The following SNX5 variants were observed in gnomAD, a reference collection of about 807,000 sequenced individuals.
SNX5 encodes sorting nexin 5, also known as sorting nexin-5.
In SNX5, 31 loss-of-function variants were observed where a neutral mutation model predicts 53.9. The ratio of observed to expected loss-of-function variants is 0.58; its 90% CI spans 0.43 to 0.78. The LOEUF is 0.78. Ranked by LOEUF, SNX5 falls within the 30% of genes least tolerant of loss-of-function variation. The probability of loss-of-function intolerance (pLI) is 0.00; values close to 1 mark genes in which losing one functional copy is unlikely to be tolerated. For missense variants in SNX5, 471 were observed against 478.8 expected, an observed-to-expected ratio of 0.98 and a Z score of 0.15; for synonymous variants, 168 against 171.1, an observed-to-expected ratio of 0.98 and a Z score of 0.14.
At position 17,968,761 on chromosome 20, in the gene SNX5, G is replaced by C. The variant is rs536225849; in HGVS notation, c.-336C>G. On this transcript the variant is annotated 5_prime_UTR_variant, in exon 1 of 13. Coordinates refer to ENST00000377759, the MANE Select transcript of SNX5 (RefSeq NM_014426.4). ...GGCCGCGACACGGACGGGAAGCAAC[G>C]GACACTCTCCCAGCAAGACGCGTCT... 2.8e-6 allele frequency: 1 copy of C among 358,938 alleles called. No homozygotes were observed. The highest frequency in any genetic ancestry group is 3.8e-5 in the South Asian group (1 of 26,322). 22.2% of individuals were successfully genotyped at this position (358,938 alleles called of 1,614,324 possible).
chr20:17,964,988 T>C (rs1289871786), intron 1 of SNX5, among the ~76,000 whole-genome samples: 1 of 152,182 alleles, frequency 6.6e-6, no homozygotes, highest in Non-Finnish European at 1.5e-5. Flanking sequence ...TTCCTCAGTA[T>C]TAGTGGAAAA....
At chr20:17,956,814 TAATAG>T (rs1460634699) in intron 2 of SNX5, 114 bp downstream of exon 2, 2 of 644,386 alleles carry the variant, frequency 3.1e-6, no homozygotes, top group African/African-American at 3.6e-5. Flanking sequence ...GGTTCTCACT[TAATAG>T]TGCTACCCTA....
intron 1 of SNX5, chr20:17,961,561 T>C: frequency 1.0e-6 from 1 of 984,340 alleles, no homozygotes; most frequent in Non-Finnish European, 1.2e-6. Context: ...CAATATGCAG[T>C]GCTAGCCTGT....
In SNX5 at chr20:17,943,202, G is replaced by A; in HGVS notation, c.1079-7C>T. On this transcript the variant is annotated splice_polypyrimidine_tract_variant and splice_region_variant and intron_variant, in intron 11 of 12. Coordinates refer to ENST00000377759, the MANE Select transcript of SNX5 (RefSeq NM_014426.4). ...CGTTTGAAATTTATCAGTTCTACAG[G>A]AAGAAAAAATGTTTATGAAACCAAG... 6.3e-7 allele frequency: 1 copy of A among 1,576,474 alleles called. No individual in the cohort carries two copies. Among genetic ancestry groups the A allele is most frequent in the Non-Finnish European group, 8.7e-7 (1 of 1,149,946 alleles).
chr20:17,943,263 C>T, intron 11 of SNX5, 68 bp from the exon 12 acceptor site: 1 of 1,001,356 alleles, frequency 1.0e-6, no homozygotes, highest in South Asian at 1.3e-5. Flanking sequence ...CTTTAACTAC[C>T]AAATGGCATT....
intron 2 of SNX5, 32 bp downstream of exon 2, chr20:17,956,901 C>T (rs769714749): frequency 9.3e-7 from 1 of 1,072,502 alleles, no homozygotes; most frequent in Non-Finnish European, 1.5e-6. Context: ...TGCAACCTAG[C>T]ACTGTATGTA....
intron 2 of SNX5, 136 bp from the exon 3 acceptor site, chr20:17,955,611 G>C (rs1300355778): frequency 3.3e-6 from 2 of 599,112 alleles, no homozygotes; most frequent in Non-Finnish European, 6.1e-6. Flanking sequence ...AGTTATACAT[G>C]ATCTCCTGTC....
chr20:17,961,053 A>T (rs898531968), intron 1 of SNX5: 4 of 786,320 alleles, frequency 5.1e-6, no homozygotes, highest in South Asian at 5.8e-5. Context: ...CAACTGTTTT[A>T]AAAAATCGCA....
intron 1 of SNX5, among the ~76,000 whole-genome samples, chr20:17,959,166 T>C (rs980073125): frequency 6.6e-6 from 1 of 152,178 alleles, no homozygotes; most frequent in African/African-American, 2.4e-5. Context: ...TGGGATACCC[T>C]TGGAATTCGA....
At chr20:17,945,205 A>C (rs2039471086) in intron 11 of SNX5, 1 of 152,020 alleles carries the variant, frequency 6.6e-6, no homozygotes, top group Non-Finnish European at 1.5e-5. Flanking sequence ...CTGGGTGAAG[A>C]TAAGCTCCCT....
intron 6 of SNX5, among the ~76,000 whole-genome samples, chr20:17,950,654 C>T (rs1316615364): frequency 6.6e-6 from 1 of 152,186 alleles, no homozygotes; most frequent in African/African-American, 2.4e-5. Context: ...TAAGACACAG[C>T]AATTTTACGC....
intron 1 of SNX5, among the ~76,000 whole-genome samples, chr20:17,960,232 A>G (rs536992257): frequency 6.6e-6 from 1 of 152,290 alleles, no homozygotes; most frequent in African/African-American, 2.4e-5. Flanking sequence ...ATGCCAAGGT[A>G]GGCAGATCAC....
chr20:17,962,117 G>C, intron 1 of SNX5: 1 of 361,674 alleles, frequency 2.8e-6, no homozygotes, highest in Non-Finnish European at 3.8e-6. Flanking sequence ...ACCTATCTGT[G>C]TTCAATCTCA....
intron 5 of SNX5, among the ~76,000 whole-genome samples, chr20:17,952,079 C>T (rs1194020299): frequency 2.0e-5 from 3 of 151,972 alleles, no homozygotes; most frequent in Admixed American, 6.6e-5. Flanking sequence ...AAAAATAAGC[C>T]GGGTGTGGTG....
chr20:17,950,281 T>C lies in SNX5; in HGVS notation c.715+10A>G. On this transcript the variant is annotated intron_variant, in intron 7 of 12. Coordinates refer to ENST00000377759, the MANE Select transcript of SNX5 (RefSeq NM_014426.4). ...CAGCAAAGCTCTGACTAGCGGTAAA[T>C]GATATTTACTTTTATGAGATCTGGT... 6.2e-7 allele frequency: 1 copy of C among 1,610,704 alleles called. No individual in the cohort carries two copies.
At chr20:17,959,478 A>AC (rs2035414923) in intron 1 of SNX5, among the ~76,000 whole-genome samples, 1 of 152,194 alleles carries the variant, frequency 6.6e-6, no homozygotes, top group South Asian at 2.1e-4. Context: ...ACTAGCAGCC[A>AC]TTTTGCCCAG....
chr20:17,948,138 A>G (rs1242780004), intron 10 of SNX5, among the ~76,000 whole-genome samples: 1 of 152,268 alleles, frequency 6.6e-6, no homozygotes, highest in East Asian at 1.9e-4. Flanking sequence ...AAGTTACTTT[A>G]GTATCTGAAA....
chr20:17,950,424 A>G, intron 6 of SNX5, 28 bp from the exon 7 acceptor site: 1 of 1,254,048 alleles, frequency 8.0e-7, no homozygotes, highest in South Asian at 1.2e-5. Flanking sequence ...AGAACCAGAC[A>G]TTTCATGAAA....
intron 2 of SNX5, among the ~76,000 whole-genome samples, 175 bp downstream of exon 2, chr20:17,956,758 G>T (rs1015378422): frequency 6.9e-6 from 1 of 145,574 alleles, no homozygotes; most frequent in Non-Finnish European, 1.5e-5. Flanking sequence ...TGCTGCTGCC[G>T]CCACAATGGC....
Sources: allele counts gnomAD v4.1 joint callset (sites outside exome capture counted in the v4.1 genomes callset), GRCh38; gene constraint gnomAD v4.1.1; transcripts MANE v1.5; gene names NCBI Gene and HGNC (gene_info 2026-07-23, HGNC 2026-07-21).